The following SLC25A21 variants were observed in gnomAD, a reference collection of about 807,000 sequenced individuals.
The protein encoded by SLC25A21 is solute carrier family 25 member 21.
Under a neutral mutation model 43.8 loss-of-function variants are expected in SLC25A21, and 47 were observed. That is an observed-to-expected ratio of 1.07 (90% CI 0.85 to 1.37). The LOEUF (loss-of-function observed/expected upper bound fraction) is 1.37. SLC25A21 is among the 40% of genes most tolerant of loss of function. SLC25A21 has a pLI of 0.00. For synonymous variants in SLC25A21, 131 were observed against 121.3 expected, an observed-to-expected ratio of 1.08 and a Z score of -0.52; for missense variants, 352 against 350.2, an observed-to-expected ratio of 1.00 and a Z score of -0.04.
chr14:37,011,889 T>C (rs755956835), intron 1 of SLC25A21, among the ~76,000 whole-genome samples: 5 of 151,966 alleles, frequency 3.3e-5, no homozygotes, highest in Admixed American at 6.5e-5. Flanking sequence ...TCCCTTTTTA[T>C]AGACTTTTGA....
chr14:37,007,566 G>A (rs999127492), intron 1 of SLC25A21, among the ~76,000 whole-genome samples: 1 of 142,298 alleles, frequency 7.0e-6, no homozygotes, highest in Non-Finnish European at 1.6e-5. Context: ...TCACGCCACT[G>A]CACTCCAGCC....
rs575888464 is a variant in SLC25A21 at position 37,061,414 on chromosome 14, G to A, written c.70+110867C>T. ...ATTTATTTTCTTCATGGCAACAGAG[G>A]CCCCAATTTCCTTAGTTAAATTTCA... On this transcript the variant is annotated intron_variant, in intron 1 of 9. Transcript: ENST00000331299. 3.0e-4 allele frequency among the ~76,000 whole-genome samples: 46 copies of A among 152,164 alleles called. No individual in the cohort carries two copies. The South Asian group carries it at 7.3e-3, about 24-fold the overall frequency.
intron 3 of SLC25A21, among the ~76,000 whole-genome samples, chr14:36,789,794 A>T (rs1887389040): frequency 9.1e-6 from 1 of 109,364 alleles, no homozygotes; most frequent in African/African-American, 3.8e-5. Flanking sequence ...ATTTATATAT[A>T]ATATATTTTA....
intron 1 of SLC25A21, among the ~76,000 whole-genome samples, chr14:37,154,387 A>C (rs556658616): frequency 3.9e-5 from 6 of 152,306 alleles, no homozygotes; most frequent in Non-Finnish European, 8.8e-5. Context: ...CTCCTACAAA[A>C]GTAAGTTCAA....
At chr14:36,918,621 C>T (rs184596038) in intron 1 of SLC25A21, among the ~76,000 whole-genome samples, 426 of 152,120 alleles carry the variant, frequency 2.8e-3, no homozygotes, top group Non-Finnish European at 4.5e-3. Context: ...ATACTATCCA[C>T]AATAATTGTG....
intron 1 of SLC25A21, among the ~76,000 whole-genome samples, chr14:36,947,595 C>G (rs1892706888): frequency 6.6e-6 from 1 of 151,316 alleles, no homozygotes; most frequent in African/African-American, 2.4e-5. Context: ...ATGACACACA[C>G]TGCTTCAGAA....
chr14:36,963,912 T>A (rs984457660), intron 1 of SLC25A21, among the ~76,000 whole-genome samples: 2 of 152,214 alleles, frequency 1.3e-5, no homozygotes, highest in African/African-American at 4.8e-5. Context: ...CTTTCACAGT[T>A]CCACGATATT....
intron 1 of SLC25A21, among the ~76,000 whole-genome samples, chr14:36,955,888 C>T (rs1959328011): frequency 6.6e-6 from 1 of 152,164 alleles, no homozygotes; most frequent in South Asian, 2.1e-4. Flanking sequence ...CAAATCCCAG[C>T]TTGGTCCTAC....
At chr14:37,026,461 C>T (rs1192370066) in intron 1 of SLC25A21, among the ~76,000 whole-genome samples, 1 of 152,080 alleles carries the variant, frequency 6.6e-6, no homozygotes, top group Non-Finnish European at 1.5e-5. Flanking sequence ...CTTGTCGCCA[C>T]CAACTGTAAA....
chr14:36,875,799 T>C (rs1190270619), intron 1 of SLC25A21, among the ~76,000 whole-genome samples: 2 of 152,276 alleles, frequency 1.3e-5, no homozygotes, highest in African/African-American at 2.4e-5. Flanking sequence ...CTCTCTCTCC[T>C]ATCATCCAAC....
At chr14:36,765,214 T>A (rs1886368811) in intron 3 of SLC25A21, among the ~76,000 whole-genome samples, 1 of 152,196 alleles carries the variant, frequency 6.6e-6, no homozygotes, top group African/African-American at 2.4e-5. Flanking sequence ...AAGCCCAGGC[T>A]GCATGAAGAG....
At chr14:36,996,570 G>A (rs1045016783) in intron 1 of SLC25A21, among the ~76,000 whole-genome samples, 1 of 152,126 alleles carries the variant, frequency 6.6e-6, no homozygotes, top group Non-Finnish European at 1.5e-5. Flanking sequence ...GCTACATTCT[G>A]TTTGTTCTTG....
chr14:37,007,436 C>T (rs1248791425), intron 1 of SLC25A21, among the ~76,000 whole-genome samples: 1 of 151,976 alleles, frequency 6.6e-6, no homozygotes, highest in African/African-American at 2.4e-5. Flanking sequence ...AACCCTGTAT[C>T]TACTAAAAAT....
chr14:36,729,113 G>C (rs1884715788), intron 5 of SLC25A21, among the ~76,000 whole-genome samples: 1 of 152,172 alleles, frequency 6.6e-6, no homozygotes, highest in African/African-American at 2.4e-5. Context: ...TCGATCTGAA[G>C]TCTTATATTT....
chr14:37,004,002 G>A (rs1321448015), intron 1 of SLC25A21, among the ~76,000 whole-genome samples: 7 of 151,928 alleles, frequency 4.6e-5, no homozygotes, highest in Non-Finnish European at 8.8e-5. Flanking sequence ...CAATTTGGTG[G>A]GAATGAGAAC....
Position 36,872,196 on chromosome 14 carries a change from C to T in SLC25A21, c.119+2760G>A, listed in dbSNP as rs185650823. Among the ~76,000 whole-genome samples, 429 of 152,244 alleles carry T rather than the reference C, an allele frequency of 2.8e-3. 2 individuals carry two copies. The highest frequency in any genetic ancestry group is 3.1e-3 in the Non-Finnish European group (208 of 68,020). ...TGAATTAATCCAAATATGGATATGG[C>T]TCATTTTCCACAATATCTCATGTGC... On this transcript the variant is annotated intron_variant, in intron 2 of 9. Coordinates refer to ENST00000331299, the MANE Select transcript of SLC25A21 (RefSeq NM_030631.4).
intron 3 of SLC25A21, among the ~76,000 whole-genome samples, chr14:36,789,448 G>A (rs1446509498): frequency 6.6e-6 from 1 of 151,714 alleles, no homozygotes; most frequent in Non-Finnish European, 1.5e-5. Context: ...TATATTTAAA[G>A]TGGTGATTAT....
At chr14:37,020,446 C>CTT (rs535616394) in intron 1 of SLC25A21, among the ~76,000 whole-genome samples, 2,098 of 145,840 alleles carry the variant, frequency 0.014, 51 homozygotes, top group African/African-American at 0.05. Flanking sequence ...GAAAAAGTCA[C>CTT]TTTTTTTTTT....
intron 1 of SLC25A21, among the ~76,000 whole-genome samples, chr14:36,907,887 A>G (rs1238256492): frequency 6.6e-6 from 1 of 152,206 alleles, no homozygotes; most frequent in Non-Finnish European, 1.5e-5. Flanking sequence ...AATTCAGTGA[A>G]TAAGTTCCGA....
Sources: gnomAD v4.1 joint callset for allele counts (sites outside exome capture counted in the v4.1 genomes callset) on GRCh38, gnomAD v4.1.1 for gene constraint, MANE v1.5 for transcripts, NCBI Gene and HGNC (gene_info 2026-07-23, HGNC 2026-07-21) for gene names.